ADAT1: variants seen among roughly 807,000 people sequenced by gnomAD.
ADAT1 encodes adenosine deaminase tRNA specific 1, also known as tRNA-specific adenosine deaminase 1.
ADAT1 carries 58 observed loss-of-function variants against 58.6 expected under a neutral mutation model. That is an observed-to-expected ratio of 0.99 (90% CI 0.80 to 1.23). The LOEUF is 1.23. Among genes scored for constraint, ADAT1 ranks in the 50% most tolerant of loss-of-function variants. ADAT1 has a pLI of 0.00. For synonymous variants in ADAT1, 254 were observed against 220.8 expected, an observed-to-expected ratio of 1.15 and a Z score of -1.33; for missense variants, 741 against 608.6, an observed-to-expected ratio of 1.22 and a Z score of -2.29.
chr16:75,617,722 C>T (rs2081780594), intron 4 of ADAT1, among the ~76,000 whole-genome samples: 1 of 151,576 alleles, frequency 6.6e-6, no homozygotes, highest in Admixed American at 6.6e-5. Context: ...ATCAGAATCT[C>T]TGTGGTGGGC....
Position 75,609,730 on chromosome 16 carries a change from T to C in ADAT1, c.1044-742A>G, listed in dbSNP as rs117112046. 1.1e-4 allele frequency among the ~76,000 whole-genome samples: 16 copies of C among 152,242 alleles called. No homozygotes were observed. In the East Asian group the frequency reaches 2.9e-3, roughly 28 times the overall value. ...ACTTAAATTTTTTGTTTTTTTGAGA[T>C]AGGGTCTCTGTTGCTCAGACTGGAG... is the stretch of plus-strand genomic sequence containing the variant. On this transcript the variant is annotated intron_variant, in intron 6 of 9. Transcript: ENST00000564657.
In ADAT1 at chr16:75,612,359, G is replaced by A. The variant is rs1300337939; in HGVS notation, c.927C>T (p.Leu309=). The part of the protein sequence containing the change: ...CSDKMARWNV[L]GCQGALLMHL... ...GCATCAACAGTGCCCCTTGGCATCC[G>A]AGGACGTTCCATCGGGCCATCTTGT... Residue 309 remains leucine, a synonymous_variant, in exon 6 of 10, where the codon CTC becomes CTT. Coordinates refer to ENST00000564657, the MANE Select transcript of ADAT1 (RefSeq NM_001324445.2). The A allele has an allele frequency of 6.2e-6, 10 of 1,614,194 alleles. No individual in the cohort carries two copies. Among genetic ancestry groups the A allele is most frequent in the East Asian group, 4.5e-5 (2 of 44,862 alleles).
rs2081185235 is a variant in ADAT1 at position 75,600,134 on chromosome 16, A to G, written c.*82T>C. 3 of 1,567,156 alleles carry G rather than the reference A, an allele frequency of 1.9e-6. No homozygotes were observed. The African/African-American group carries it at 4.1e-5, about 21-fold the overall frequency. On this transcript the variant is annotated 3_prime_UTR_variant, in exon 10 of 10. Transcript: ENST00000564657. The stretch of plus-strand genomic sequence containing the variant: ...AGAAAGAATGTTCCCTGATTTAACT[A>G]CCAAAAAAGCTAAGACTTGTCCTGC...
chr16:75,597,485 C>T lies in ADAT1; in HGVS notation c.*2731G>A, dbSNP rs1339579557. 5.1e-6 allele frequency: 2 copies of T among 390,432 alleles called. No individual in the cohort carries two copies. The highest frequency in any genetic ancestry group is 2.1e-5 in the African/African-American group (1 of 48,206). The allele number at this position is 390,432 out of a possible 1,614,324, so 24.2% of individuals were successfully genotyped here. The stretch of plus-strand genomic sequence containing the variant: ...GCAGCAGTCCCCAACCTTTTTGGCA[C>T]CAGGGACTGGTTTCATGGAAGATAA... On this transcript the variant is annotated 3_prime_UTR_variant, in exon 10 of 10. Coordinates refer to ENST00000564657, the MANE Select transcript of ADAT1 (RefSeq NM_001324445.2).
chr16:75,605,309 G>C (rs75746770), intron 8 of ADAT1, among the ~76,000 whole-genome samples: 25,974 of 151,964 alleles, frequency 0.17, 2,376 homozygotes, highest in Middle Eastern at 0.22. Context: ...CACTGGTCTT[G>C]AACTCCTGAC....
In ADAT1 at chr16:75,617,145, G is replaced by T. The variant is rs771603941; in HGVS notation, c.421C>A (p.Pro141Thr). ...CCAAAGGCTTGAATATACTTACAGG[G>T]TGTATGGCTGGAGAAAAACACAAAA... ...LIFVFFSSHT[P>T]CGDASIIPML... is the part of the protein sequence containing the mutation. Residue 141 changes from proline (P) to threonine (T), a missense_variant, in exon 5 of 10, where the codon CCC (proline) becomes ACC (threonine). Physicochemically the swap from Pro to Thr is conservative, Grantham distance 38. Coordinates refer to ENST00000564657, the MANE Select transcript of ADAT1 (RefSeq NM_001324445.2). The T allele has an allele frequency of 1.2e-6, 2 of 1,613,276 alleles. No homozygotes were observed. The highest frequency in any genetic ancestry group is 1.7e-6 in the Non-Finnish European group (2 of 1,179,318).
In ADAT1 at chr16:75,608,730, C is replaced by T. The variant is rs117584715; in HGVS notation, c.1189+113G>A. On this transcript the variant is annotated intron_variant, in intron 7 of 9. Transcript: ENST00000564657. ...TGGGTGTCTCTAAAGCCCACACTAC[C>T]GGCCACTAGAGTGGTGAACTACCTT... 10,824 of 1,311,028 alleles carry T rather than the reference C, an allele frequency of 8.3e-3. 64 individuals carry two copies. Among genetic ancestry groups the T allele is most frequent in the Non-Finnish European group, 9.7e-3 (9,368 of 963,326 alleles). 81.2% of individuals were successfully genotyped at this position (1,311,028 alleles called of 1,614,324 possible). A position where few individuals can be genotyped will look rare whatever the true frequency, so the allele number is the denominator to read the frequency against.
chr16:75,620,566 G>C, intron 2 of ADAT1, 65 bp downstream of exon 2: 1 of 1,576,688 alleles, frequency 6.3e-7, no homozygotes, highest in Non-Finnish European at 8.7e-7. Context: ...TACCCTCACA[G>C]TACAGCAATG....
At position 75,623,221 on chromosome 16, in the gene ADAT1, G is replaced by T. The variant is rs905540704; in HGVS notation, c.-840C>A. 6.6e-6 allele frequency: 1 copy of T among 152,314 alleles called. No individual in the cohort carries two copies. The highest frequency in any genetic ancestry group is 1.5e-5 in the Non-Finnish European group (1 of 68,074). 9.4% of individuals were successfully genotyped at this position (152,314 alleles called of 1,614,324 possible). On this transcript the variant is annotated 5_prime_UTR_variant, in exon 1 of 10. Transcript: ENST00000564657. ...CTGCCCCGTCGCCCCAGCGCCTCGC[G>T]GACGCTCCCCTCCCACCTTCAGGAA...
intron 1 of ADAT1, among the ~76,000 whole-genome samples, chr16:75,622,044 G>C (rs986972335): frequency 2.0e-5 from 3 of 152,190 alleles, no homozygotes; most frequent in African/African-American, 7.2e-5. Context: ...CAGCTACTCG[G>C]GAGGCTGAGG....
In ADAT1 at chr16:75,620,290, C is replaced by G. The variant is rs769389983; in HGVS notation, c.214G>C (p.Gly72Arg). 3 of 1,614,150 alleles carry G rather than the reference C, an allele frequency of 1.9e-6. No individual in the cohort carries two copies. Among genetic ancestry groups the G allele is most frequent in the Non-Finnish European group, 2.5e-6 (3 of 1,180,006 alleles). The change falls in exon 3 of 10, where the codon GGA (glycine) becomes CGA (arginine). Residue 72 changes from glycine (G) to arginine (R), a missense_variant. Gly to Arg is a moderately radical substitution (Grantham distance 125). Transcript: ENST00000564657. ...VSMGTGTKCI[G>R]QSKMRKNGDI... Reference sequence around the variant, plus strand: ...CCGTTCTTCCTCATTTTGGACTGTCCTATGCATTTTGTTCCTGTTCCCATT... The same window carrying G: ...CCGTTCTTCCTCATTTTGGACTGTCGTATGCATTTTGTTCCTGTTCCCATT...
At chr16:75,609,250 T>G (rs756964603) in intron 6 of ADAT1, among the ~76,000 whole-genome samples, 8 of 152,212 alleles carry the variant, frequency 5.3e-5, no homozygotes, top group Admixed American at 5.2e-4. Context: ...ATTCCTGATA[T>G]AGGCTTTGAG....
rs371641837 is a variant in ADAT1, at chr16:75,623,117, G to C, written c.-736C>G. 3 of 152,226 alleles carry C rather than the reference G, an allele frequency of 2.0e-5. No individual in the cohort carries two copies. In the East Asian group the frequency reaches 5.8e-4, roughly 29 times the overall value. 9.4% of individuals were successfully genotyped at this position (152,226 alleles called of 1,614,324 possible). On this transcript the variant is annotated 5_prime_UTR_variant, in exon 1 of 10. Transcript: ENST00000564657. ...TTCCAGGCGTGGAGCGCCTTCCCACGTGAAACGCGTCCCGGAAGATACGAT... is the reference window on the plus strand; with the variant it reads ...TTCCAGGCGTGGAGCGCCTTCCCACCTGAAACGCGTCCCGGAAGATACGAT...
intron 7 of ADAT1, 138 bp from the exon 8 acceptor site, chr16:75,608,461 A>C: frequency 1.4e-6 from 1 of 704,090 alleles, no homozygotes; most frequent in Non-Finnish European, 2.4e-6. Context: ...CTGCTATTGG[A>C]TGCTTGGCCT....
In ADAT1 at chr16:75,599,817, C is replaced by A; in HGVS notation, c.*399G>T. ...AGGCTGGGAATACAAAATATATATTCGCTATGCTAGGCAAAGCTGTAAAAC... is the reference window on the plus strand; with the variant it reads ...AGGCTGGGAATACAAAATATATATTAGCTATGCTAGGCAAAGCTGTAAAAC... On this transcript the variant is annotated 3_prime_UTR_variant, in exon 10 of 10. Coordinates refer to ENST00000564657, the MANE Select transcript of ADAT1 (RefSeq NM_001324445.2). The A allele has an allele frequency of 3.0e-6, 3 of 992,476 alleles. No individual in the cohort carries two copies. Among genetic ancestry groups the A allele is most frequent in the Non-Finnish European group, 3.6e-6 (3 of 834,478 alleles). The allele number at this position is 992,476 out of a possible 1,614,324, so 61.5% of individuals were successfully genotyped here. A position where few individuals can be genotyped will look rare whatever the true frequency, so the allele number is the denominator to read the frequency against.
At chr16:75,605,571 G>A (rs2081346543) in intron 8 of ADAT1, among the ~76,000 whole-genome samples, 1 of 152,036 alleles carries the variant, frequency 6.6e-6, no homozygotes, top group Non-Finnish European at 1.5e-5. Context: ...ACTGCAAGGT[G>A]GGTCGGCACC....
chr16:75,609,356 T>C (rs184001712), intron 6 of ADAT1, among the ~76,000 whole-genome samples: 2 of 152,312 alleles, frequency 1.3e-5, no homozygotes, highest in East Asian at 1.9e-4. Flanking sequence ...TCCTATAATA[T>C]AAAAGCTTCA....
intron 9 of ADAT1, 36 bp from the exon 10 acceptor site, chr16:75,600,384 A>G (rs762276584): frequency 1.9e-6 from 3 of 1,609,478 alleles, no homozygotes; most frequent in Non-Finnish European, 1.7e-6. Flanking sequence ...ACAGGTTCTC[A>G]TTGAATAGCC....
intron 3 of ADAT1, 99 bp from the exon 4 acceptor site, chr16:75,618,739 G>T: frequency 7.2e-7 from 1 of 1,380,748 alleles, no homozygotes; most frequent in Non-Finnish European, 1.0e-6. Context: ...ACCCAGGATG[G>T]TCATGTAGCT....
Sources: gnomAD v4.1 joint callset for allele counts (sites outside exome capture counted in the v4.1 genomes callset) on GRCh38, gnomAD v4.1.1 for gene constraint, MANE v1.5 for transcripts, NCBI Gene and HGNC (gene_info 2026-07-23, HGNC 2026-07-21) for gene names.